ARCN1: variants seen among roughly 807,000 people sequenced by gnomAD.
ARCN1 encodes the protein archain 1 coat protein complex I subunit delta.
A neutral mutation model predicts 60.4 loss-of-function variants in ARCN1; 5 were observed. The ratio of observed to expected loss-of-function variants is 0.08; its 90% CI spans 0.04 to 0.17. The LOEUF is 0.17. Among genes scored for constraint, ARCN1 ranks in the 10% least tolerant of loss-of-function variants. The probability of loss-of-function intolerance (pLI) is 1.00; values close to 1 mark genes in which losing one functional copy is unlikely to be tolerated. For synonymous variants in ARCN1, 224 were observed against 220.0 expected (o/e 1.02, Z -0.16); for missense variants, 464 against 626.5 (o/e 0.74, Z 2.77).
chr11:118,599,308 G>A (rs555504346), intron 9 of ARCN1, among the ~76,000 whole-genome samples: 22 of 152,046 alleles, frequency 1.4e-4, no homozygotes, highest in Non-Finnish European at 2.5e-4. Flanking sequence ...GGCCAGGCTG[G>A]TCTCAAACTC....
At chr11:118,596,014 C>G (rs1939018572) in intron 8 of ARCN1, among the ~76,000 whole-genome samples, 1 of 151,780 alleles carries the variant, frequency 6.6e-6, no homozygotes. Context: ...TTGCAGTGAG[C>G]TGAGATCGCG....
intron 5 of ARCN1, among the ~76,000 whole-genome samples, chr11:118,586,477 C>T (rs895953127): frequency 1.3e-5 from 2 of 152,084 alleles, no homozygotes; most frequent in African/African-American, 2.4e-5. Flanking sequence ...TCACTAAAGC[C>T]GCTGTGCTCT....
At chr11:118,590,661 C>G (rs1938884463) in intron 6 of ARCN1, among the ~76,000 whole-genome samples, 155 bp downstream of exon 6, 1 of 152,176 alleles carries the variant, frequency 6.6e-6, no homozygotes, top group Non-Finnish European at 1.5e-5. Flanking sequence ...ATATTGCATA[C>G]AGTAGCTACC....
intron 4 of ARCN1, 132 bp downstream of exon 4, chr11:118,584,146 G>T: frequency 4.4e-6 from 4 of 901,430 alleles, no homozygotes; most frequent in Non-Finnish European, 6.7e-6. Flanking sequence ...GTTACATTTG[G>T]CCACATACAA....
In ARCN1 at chr11:118,581,450, A is replaced by T; in HGVS notation, c.208A>T (p.Thr70Ser). 1 of 1,614,222 alleles carries T rather than the reference A, an allele frequency of 6.2e-7. No individual in the cohort carries two copies. Among genetic ancestry groups the T allele is most frequent in the East Asian group, 2.2e-5 (1 of 44,892 alleles). Reference protein sequence around the residue: ...PMEKLYMVLITTKNSNILEDL... With the variant: ...PMEKLYMVLISTKNSNILEDL... ...GGAGAAACTGTATATGGTACTGATCACTACCAAAAACAGCAACATTTTAGA... is the reference window on the plus strand; with the variant it reads ...GGAGAAACTGTATATGGTACTGATCTCTACCAAAAACAGCAACATTTTAGA... Residue 70 changes from threonine (T) to serine (S), a missense_variant, in exon 2 of 10, where the codon ACT (threonine) becomes TCT (serine). Transcript: ENST00000264028.
chr11:118,578,161 CAAAAAATA>C (rs1938565971), intron 1 of ARCN1, among the ~76,000 whole-genome samples: 2 of 129,364 alleles, frequency 1.5e-5, no homozygotes, highest in Admixed American at 8.6e-5. Flanking sequence ...GACACTCTCT[CAAAAAATA>C]AATAAATAAA....
At chr11:118,581,927 CAGACAG>C (rs1423286899) in intron 2 of ARCN1, among the ~76,000 whole-genome samples, 2 of 139,722 alleles carry the variant, frequency 1.4e-5, no homozygotes, top group Admixed American at 7.6e-5. Flanking sequence ...CAGAGACAGA[CAGACAG>C]ACAGACACAC....
At chr11:118,588,067 C>G (rs1001564768) in intron 5 of ARCN1, among the ~76,000 whole-genome samples, 3 of 152,234 alleles carry the variant, frequency 2.0e-5, no homozygotes, top group Non-Finnish European at 4.4e-5. Flanking sequence ...GTTCATCTTC[C>G]TGTAAGCCTG....
intron 1 of ARCN1, among the ~76,000 whole-genome samples, chr11:118,576,143 G>A (rs1163476829): frequency 2.0e-5 from 3 of 151,748 alleles, no homozygotes; most frequent in South Asian, 2.1e-4. Flanking sequence ...AGGCAGAACA[G>A]AAACCTAATT....
chr11:118,597,906 A>G lies in ARCN1; in HGVS notation c.1441A>G (p.Ile481Val), dbSNP rs782594712. 9.9e-6 allele frequency: 16 copies of G among 1,614,186 alleles called. No homozygotes were observed. The highest frequency in any genetic ancestry group is 1.2e-5 in the Non-Finnish European group (14 of 1,180,018). ...SFVSKKNYCNIQVTKVTQVDG... is the reference protein window; with the variant it reads ...SFVSKKNYCNVQVTKVTQVDG... ...TGTCTCCAAGAAAAATTACTGTAAC[A>G]TACAGGTACTCCATTTTAGTTGAGA... The change falls in exon 9 of 10, where the codon ATA becomes GTA. Residue 481 changes from isoleucine to valine, a missense_variant. Physicochemically the swap from Ile to Val is conservative, Grantham distance 29 (BLOSUM62 3). Transcript: ENST00000264028.
chr11:118,587,402 A>G (rs559489930), intron 5 of ARCN1, among the ~76,000 whole-genome samples: 1 of 152,312 alleles, frequency 6.6e-6, no homozygotes, highest in East Asian at 1.9e-4. Flanking sequence ...CCTTTTATGC[A>G]AAGCAGTAAA....
intron 8 of ARCN1, among the ~76,000 whole-genome samples, chr11:118,595,007 G>A (rs782585220): frequency 6.6e-6 from 1 of 151,714 alleles, no homozygotes; most frequent in Non-Finnish European, 1.5e-5. Context: ...GTGCCACCAC[G>A]CCCAGTTAAT....
chr11:118,572,950 GTT>G (rs1938385152), intron 1 of ARCN1: 1 of 230,740 alleles, frequency 4.3e-6, no homozygotes, highest in African/African-American at 2.3e-5. Context: ...GTCTCCGGAG[GTT>G]CTGGTCCTTC....
chr11:118,588,015 G>T (rs1938814941), intron 5 of ARCN1, among the ~76,000 whole-genome samples: 1 of 152,204 alleles, frequency 6.6e-6, no homozygotes, highest in African/African-American at 2.4e-5. Context: ...TGTCCCCAGG[G>T]AGCTGGGGTA....
chr11:118,585,409 A>G (rs1316378688), intron 5 of ARCN1, among the ~76,000 whole-genome samples: 10 of 152,226 alleles, frequency 6.6e-5, no homozygotes, highest in Non-Finnish European at 1.5e-4. Flanking sequence ...GAATTAGGGG[A>G]CTAGAGCTAT....
intron 1 of ARCN1, among the ~76,000 whole-genome samples, chr11:118,576,547 A>G (rs958282109): frequency 2.0e-5 from 3 of 151,966 alleles, no homozygotes; most frequent in East Asian, 1.9e-4. Flanking sequence ...AGTATATGCT[A>G]TATTTTAATA....
At chr11:118,573,733 G>C (rs1555072913) in intron 1 of ARCN1, 1 of 689,040 alleles carries the variant, frequency 1.5e-6, no homozygotes, top group African/African-American at 1.8e-5. Context: ...GGATAATGGG[G>C]GGAATTCATG....
In ARCN1 at chr11:118,583,840, G is replaced by A. The variant is rs782690322; in HGVS notation, c.479G>A (p.Arg160His). 23 of 1,614,040 alleles carry A rather than the reference G, an allele frequency of 1.4e-5. No individual in the cohort carries two copies. Among genetic ancestry groups the A allele is most frequent in the South Asian group, 3.3e-5 (3 of 91,084 alleles). The change falls in exon 4 of 10, where the codon CGT becomes CAT. Residue 160 changes from arginine (R) to histidine (H), a missense_variant. Around this residue, in one of 2 missense-constraint regions of ARCN1, gnomAD observed 359 missense variants for 440.2 expected, o/e 0.82. Transcript: ENST00000264028. ...GAACGTGAAGCTAAGGCTGAGATGC[G>A]TCGTAAAGCAAAGGAATTACAACAG... ...TQEREAKAEM[R>H]RKAKELQQAR...
rs1555075022 is a variant in ARCN1 at position 118,583,820 on chromosome 11, T to C, written c.459T>C (p.Arg153=). ...VFRAVRETQE[R]EAKAEMRRKA... is the part of the protein sequence containing the mutation. ...GTCTTTTTCTGTAGACTCAAGAACG[T>C]GAAGCTAAGGCTGAGATGCGTCGTA... Residue 153 remains arginine, a synonymous_variant, in exon 4 of 10, where the codon CGT becomes CGC. Coordinates refer to ENST00000264028, the MANE Select transcript of ARCN1 (RefSeq NM_001655.5). 6.2e-7 allele frequency: 1 copy of C among 1,613,236 alleles called. No individual in the cohort carries two copies. The highest frequency in any genetic ancestry group is 1.1e-5 in the South Asian group (1 of 91,016).
Sources: gnomAD v4.1 joint callset for allele counts (sites outside exome capture counted in the v4.1 genomes callset) on GRCh38, gnomAD v4.1.1 for gene constraint, gnomAD v4.1.1 regional missense constraint, MANE v1.5 for transcripts, NCBI Gene and HGNC (gene_info 2026-07-23, HGNC 2026-07-21) for gene names.